KCNT2: variants seen among roughly 807,000 people sequenced by gnomAD.
The protein encoded by KCNT2 is potassium sodium-activated channel subfamily T member 2.
KCNT2 carries 67 observed loss-of-function variants against 153.8 expected under a neutral mutation model. That is an observed-to-expected ratio of 0.44 (90% CI 0.36 to 0.53). The LOEUF (loss-of-function observed/expected upper bound fraction) is 0.53, where lower values mean the gene tolerates loss of function less well. Among genes scored for constraint, KCNT2 ranks in the 20% least tolerant of loss-of-function variants. The pLI, the probability that KCNT2 is intolerant of heterozygous loss-of-function variation, is 0.00. For missense variants in KCNT2, 975 were observed against 1,354.8 expected (o/e 0.72, Z 4.40); for synonymous variants, 500 against 458.8 (o/e 1.09, Z -1.15).
At chr1:196,559,346 C>A (rs997997699) in intron 1 of KCNT2, among the ~76,000 whole-genome samples, 1 of 151,668 alleles carries the variant, frequency 6.6e-6, no homozygotes, top group Non-Finnish European at 1.5e-5. Context: ...CACAGAAACT[C>A]ATCCCATGAA....
intron 8 of KCNT2, among the ~76,000 whole-genome samples, chr1:196,435,949 G>A (rs1158628547): frequency 1.3e-5 from 2 of 151,504 alleles, no homozygotes; most frequent in African/African-American, 2.4e-5. Context: ...ACATCCTAAA[G>A]GTAGAATGTT....
At chr1:196,253,124 T>G (rs939109697) in intron 26 of KCNT2, among the ~76,000 whole-genome samples, 3 of 151,486 alleles carry the variant, frequency 2.0e-5, no homozygotes, top group African/African-American at 4.8e-5. Context: ...GAAAAAATTT[T>G]GGCCATTGTT....
At chr1:196,490,916 C>T (rs769887474) in intron 2 of KCNT2, among the ~76,000 whole-genome samples, 1 of 151,896 alleles carries the variant, frequency 6.6e-6, no homozygotes, top group South Asian at 2.1e-4. Flanking sequence ...TCCTACTCTG[C>T]TGTTGTGAGT....
chr1:196,429,968 T>C (rs1673990415), intron 8 of KCNT2, among the ~76,000 whole-genome samples: 1 of 152,112 alleles, frequency 6.6e-6, no homozygotes, highest in Non-Finnish European at 1.5e-5. Flanking sequence ...TAGACAAAAG[T>C]GGTAGCTAAA....
intron 1 of KCNT2, among the ~76,000 whole-genome samples, chr1:196,582,814 A>T (rs573726462): frequency 1.0e-3 from 152 of 152,260 alleles, no homozygotes; most frequent in African/African-American, 3.4e-3. Context: ...AAAGTAGAAC[A>T]AATAGAGTAC....
At chr1:196,533,013 G>A (rs1655141613) in intron 1 of KCNT2, among the ~76,000 whole-genome samples, 1 of 151,996 alleles carries the variant, frequency 6.6e-6, no homozygotes, top group Non-Finnish European at 1.5e-5. Context: ...CAAATAATCA[G>A]CACATGCAGA....
intron 14 of KCNT2, among the ~76,000 whole-genome samples, chr1:196,368,101 A>G (rs1224004742): frequency 6.6e-6 from 1 of 152,172 alleles, no homozygotes; most frequent in Non-Finnish European, 1.5e-5. Context: ...GGTGTAAACT[A>G]AACACCACCC....
At chr1:196,390,422 A>G (rs1221415320) in intron 13 of KCNT2, among the ~76,000 whole-genome samples, 1 of 151,484 alleles carries the variant, frequency 6.6e-6, no homozygotes, top group African/African-American at 2.4e-5. Context: ...GATTTTCTCA[A>G]TCTCCCTTGG....
At chr1:196,273,469 T>C in intron 25 of KCNT2, 1 of 1,529,566 alleles carries the variant, frequency 6.5e-7, no homozygotes, top group Non-Finnish European at 8.8e-7. Flanking sequence ...AATACTTACT[T>C]GTGATGCTAT....
At position 196,258,550 on chromosome 1, in the gene KCNT2, A is replaced by G. The variant is rs185146902; in HGVS notation, c.2911-56T>C. ...TACTTTAGAAATAAATATGGCTTGAAGTTGAAATAATATTTTATTTGCTAA... is the reference window on the plus strand; with the variant it reads ...TACTTTAGAAATAAATATGGCTTGAGGTTGAAATAATATTTTATTTGCTAA... On this transcript the variant is annotated intron_variant, in intron 25 of 27. Transcript: ENST00000294725. 363 of 1,203,792 alleles carry G rather than the reference A, an allele frequency of 3.0e-4. 4 individuals carry two copies. In the East Asian group the frequency reaches 7.1e-3, roughly 23 times the overall value. The allele number at this position is 1,203,792 out of a possible 1,614,324, so 74.6% of individuals were successfully genotyped here.
In KCNT2 at chr1:196,245,633, A is replaced by T. The variant is rs1259335629; in HGVS notation, c.3212-9563T>A. 3.9e-5 allele frequency among the ~76,000 whole-genome samples: 6 copies of T among 152,214 alleles called. No homozygotes were observed. In the East Asian group the frequency reaches 1.2e-3, roughly 29 times the overall value. ...AAATTCAAGATAACACAGAGAAGGA[A>T]TTCAGAATCCTAACAAAAAAATTAA... On this transcript the variant is annotated intron_variant, in intron 26 of 27. Coordinates refer to ENST00000294725, the MANE Select transcript of KCNT2 (RefSeq NM_198503.5).
chr1:196,496,437 C>T (rs1281002587), intron 1 of KCNT2, among the ~76,000 whole-genome samples: 2 of 147,394 alleles, frequency 1.4e-5, no homozygotes, highest in Non-Finnish European at 3.0e-5. Flanking sequence ...CACTGCACTC[C>T]AGCCTGGGCG....
chr1:196,396,205 T>C (rs534270011), intron 13 of KCNT2, among the ~76,000 whole-genome samples: 1 of 151,754 alleles, frequency 6.6e-6, no homozygotes, highest in South Asian at 2.1e-4. Flanking sequence ...GGTTTCTTTA[T>C]ATGTAGTCTC....
chr1:196,502,077 A>G (rs1680749209), intron 1 of KCNT2, among the ~76,000 whole-genome samples: 1 of 152,224 alleles, frequency 6.6e-6, no homozygotes, highest in South Asian at 2.1e-4. Context: ...AGATCGTGCC[A>G]CTGCACTACA....
chr1:196,262,963 T>G (rs771923149), intron 25 of KCNT2, among the ~76,000 whole-genome samples: 1 of 152,088 alleles, frequency 6.6e-6, no homozygotes, highest in Non-Finnish European at 1.5e-5. Context: ...AACACAAAAT[T>G]TATAAGAACC....
intron 8 of KCNT2, among the ~76,000 whole-genome samples, chr1:196,438,369 T>A (rs1199558645): frequency 6.6e-6 from 1 of 151,756 alleles, no homozygotes; most frequent in Non-Finnish European, 1.5e-5. Context: ...CACTAACAAG[T>A]TTATTAGCAG....
At chr1:196,520,851 G>C (rs1243587207) in intron 1 of KCNT2, among the ~76,000 whole-genome samples, 2 of 152,110 alleles carry the variant, frequency 1.3e-5, no homozygotes, top group Non-Finnish European at 2.9e-5. Context: ...AGCCCTGAAA[G>C]ACAACCTAGG....
intron 13 of KCNT2, among the ~76,000 whole-genome samples, chr1:196,394,204 C>T (rs139946530): frequency 3.6e-4 from 54 of 151,654 alleles, no homozygotes; most frequent in Middle Eastern, 6.8e-3. Context: ...ATGGAGCCGC[C>T]TCCTGTGATA....
Position 196,373,369 on chromosome 1 carries a change from A to G in KCNT2, c.1295-121T>C. 5 of 598,498 alleles carry G rather than the reference A, an allele frequency of 8.4e-6. No individual in the cohort carries two copies. The South Asian group carries it at 1.0e-4, about 13-fold the overall frequency. 37.1% of individuals were successfully genotyped at this position (598,498 alleles called of 1,614,324 possible). ...CAATATAAACATACTTGTTTTAGAG[A>G]TGTTTTTACAAGTGCAATTTTATCC... On this transcript the variant is annotated intron_variant, in intron 13 of 27. Coordinates refer to ENST00000294725, the MANE Select transcript of KCNT2 (RefSeq NM_198503.5).
Sources: gnomAD v4.1 joint callset for allele counts (sites outside exome capture counted in the v4.1 genomes callset) on GRCh38, gnomAD v4.1.1 for gene constraint, MANE v1.5 for transcripts, NCBI Gene and HGNC (gene_info 2026-07-23, HGNC 2026-07-21) for gene names.